KCNH1: variants seen among roughly 807,000 people sequenced by gnomAD.
KCNH1 encodes voltage-gated delayed rectifier potassium channel KCNH1.
In KCNH1, 27 loss-of-function variants were observed where a neutral mutation model predicts 69.2. That is an observed-to-expected ratio of 0.39 (90% confidence interval 0.29 to 0.54). The LOEUF (loss-of-function observed/expected upper bound fraction) is 0.54. Among genes scored for constraint, KCNH1 ranks in the 20% least tolerant of loss-of-function variants. KCNH1 has a pLI of 0.68. For synonymous variants in KCNH1, 456 were observed against 487.7 expected (o/e 0.93, Z 0.86); for missense variants, 798 against 1,261.6 (o/e 0.63, Z 5.57).
intron 6 of KCNH1, among the ~76,000 whole-genome samples, chr1:210,962,653 T>C (rs866731253): frequency 2.8e-4 from 42 of 151,934 alleles, no homozygotes; most frequent in Non-Finnish European, 5.4e-4. Flanking sequence ...TTTTATTTCA[T>C]ATTGATGGAG....
chr1:210,913,324 C>T (rs941831977), intron 7 of KCNH1, among the ~76,000 whole-genome samples: 1 of 151,764 alleles, frequency 6.6e-6, no homozygotes, highest in Non-Finnish European at 1.5e-5. Context: ...AAACAGCATT[C>T]TCATGCTCCC....
chr1:210,983,558 G>A (rs556338644), intron 6 of KCNH1, among the ~76,000 whole-genome samples: 2 of 152,184 alleles, frequency 1.3e-5, no homozygotes, highest in South Asian at 2.1e-4. Context: ...TTTTTGTCAG[G>A]TTTGTCAAAG....
chr1:210,917,724 T>C (rs1169851282), intron 7 of KCNH1, among the ~76,000 whole-genome samples: 1 of 152,116 alleles, frequency 6.6e-6, no homozygotes, highest in African/African-American at 2.4e-5. Context: ...GAGAAGGAAA[T>C]CAAATCATGT....
chr1:210,828,034 G>A (rs937444731), intron 7 of KCNH1, among the ~76,000 whole-genome samples: 6 of 151,932 alleles, frequency 3.9e-5, no homozygotes, highest in African/African-American at 4.8e-5. Flanking sequence ...TTAGAGATGC[G>A]GTTTCACCAT....
At chr1:210,968,849 T>A (rs1051658779) in intron 6 of KCNH1, among the ~76,000 whole-genome samples, 2 of 152,108 alleles carry the variant, frequency 1.3e-5, no homozygotes, top group Non-Finnish European at 2.9e-5. Context: ...GTTTCTTGTC[T>A]TGTTCTCAAT....
intron 5 of KCNH1, among the ~76,000 whole-genome samples, chr1:211,054,288 GA>G (rs946136238): frequency 5.6e-4 from 81 of 144,856 alleles, no homozygotes; most frequent in African/African-American, 1.5e-3. Flanking sequence ...TCTCAAAAAA[GA>G]AAAAAAAAAT....
chr1:211,119,536 C>A (rs1459302699), intron 1 of KCNH1, among the ~76,000 whole-genome samples: 5 of 151,576 alleles, frequency 3.3e-5, no homozygotes, highest in Admixed American at 1.3e-4. Context: ...AAAATCCATA[C>A]CAGAAATTAC....
chr1:210,902,430 C>A lies in KCNH1; in HGVS notation c.1462+17210G>T, dbSNP rs529803666. On this transcript the variant is annotated intron_variant, in intron 7 of 10. Coordinates refer to ENST00000271751, the MANE Select transcript of KCNH1 (RefSeq NM_172362.3). ...TGGCCAAAAACACCATCTGGTGACC[C>A]CTGGGCCCTCACACCTCTGTGCACA... Among the ~76,000 whole-genome samples the A allele has an allele frequency of 1.2e-3, 183 of 152,264 alleles. 1 individual carries two copies. The highest frequency in any genetic ancestry group is 2.3e-3 in the Non-Finnish European group (155 of 68,032).
chr1:210,698,670 G>T (rs1021766153), intron 10 of KCNH1, among the ~76,000 whole-genome samples: 1 of 152,214 alleles, frequency 6.6e-6, no homozygotes, highest in Non-Finnish European at 1.5e-5. Flanking sequence ...GGGCTCTCCT[G>T]TGTACTGGGT....
At chr1:210,926,860 C>T (rs1455944539) in intron 6 of KCNH1, among the ~76,000 whole-genome samples, 2 of 152,034 alleles carry the variant, frequency 1.3e-5, no homozygotes, top group South Asian at 4.2e-4. Flanking sequence ...AAATAGATAG[C>T]ATAAATTAAA....
rs774672483 is a variant in KCNH1, at chr1:210,684,010, C to T, written c.2241G>A (p.Gln747=). Reference sequence around the variant, plus strand: ...TCTCAGCTGCCAGCCTGGCCTCTTTCTGCTGTCGGAATCTCTGGAAGAGGC... The same window carrying T: ...TCTCAGCTGCCAGCCTGGCCTCTTTTTGCTGTCGGAATCTCTGGAAGAGGC... ...VRRLFQRFRQ[Q]KEARLAAERG... Residue 747 remains glutamine, a synonymous_variant, in exon 11 of 11, where the codon CAG becomes CAA. Coordinates refer to ENST00000271751, the MANE Select transcript of KCNH1 (RefSeq NM_172362.3). 3 of 1,597,052 alleles carry T rather than the reference C, an allele frequency of 1.9e-6. No individual in the cohort carries two copies. The Admixed American group carries it at 5.1e-5, about 27-fold the overall frequency.
intron 5 of KCNH1, among the ~76,000 whole-genome samples, chr1:211,036,797 T>C (rs1469041978): frequency 6.6e-6 from 1 of 152,160 alleles, no homozygotes; most frequent in Non-Finnish European, 1.5e-5. Context: ...ATTAGTCTTG[T>C]ACAATGGAAG....
intron 7 of KCNH1, among the ~76,000 whole-genome samples, chr1:210,892,202 T>A (rs1396329436): frequency 6.6e-6 from 1 of 151,606 alleles, no homozygotes; most frequent in East Asian, 1.9e-4. Context: ...TCCCAGAACT[T>A]AAAGTATATA....
intron 6 of KCNH1, among the ~76,000 whole-genome samples, chr1:210,944,506 G>A (rs1231554936): frequency 6.6e-6 from 1 of 152,276 alleles, no homozygotes; most frequent in East Asian, 1.9e-4. Context: ...CATAAGCCTC[G>A]CCTCAGGGGT....
At chr1:211,071,929 A>G (rs1228011836) in intron 5 of KCNH1, among the ~76,000 whole-genome samples, 4 of 151,418 alleles carry the variant, frequency 2.6e-5, no homozygotes, top group Admixed American at 1.3e-4. Flanking sequence ...AGTTGGGAGG[A>G]AAAAAAAACC....
chr1:210,701,243 AT>A lies in KCNH1; in HGVS notation c.2113-17106del, dbSNP rs1471419951. On this transcript the variant is annotated intron_variant, in intron 10 of 10. Transcript: ENST00000271751. ...TGAGCCACCACACCCGGCCCTTTTT[AT>A]TTTTTTGGTAGGAGACAGGGGTCTC... Among the ~76,000 whole-genome samples the A allele has an allele frequency of 5.3e-5, 8 of 151,794 alleles. No individual in the cohort carries two copies. In the East Asian group the frequency reaches 1.4e-3, roughly 26 times the overall value.
intron 5 of KCNH1, among the ~76,000 whole-genome samples, chr1:211,049,485 T>TTTG (rs1213436293): frequency 3.9e-5 from 6 of 152,042 alleles, no homozygotes; most frequent in African/African-American, 1.4e-4. Flanking sequence ...GGTTTTTTGG[T>TTTG]TTGTTGTTGT....
chr1:211,091,667 A>G (rs766089121), intron 3 of KCNH1, among the ~76,000 whole-genome samples: 4 of 152,128 alleles, frequency 2.6e-5, no homozygotes, highest in African/African-American at 4.8e-5. Context: ...ATGTGTTTCA[A>G]TATCAATCCT....
chr1:210,859,678 TTAAA>T lies in KCNH1; in HGVS notation c.1463-55516_1463-55513del. On this transcript the variant is annotated intron_variant, in intron 7 of 10. Coordinates refer to ENST00000271751, the MANE Select transcript of KCNH1 (RefSeq NM_172362.3). ...GCAGGCATATGCTCTTTTTAATCCA[TTAAA>T]TAAAAGGATAAAAGCTGGCAAAATC... is the stretch of plus-strand genomic sequence containing the variant. 3 of 1,293,426 alleles carry T rather than the reference TTAAA, an allele frequency of 2.3e-6. No individual in the cohort carries two copies. The South Asian group carries it at 3.6e-5, about 15-fold the overall frequency. 80.1% of individuals were successfully genotyped at this position (1,293,426 alleles called of 1,614,324 possible).
Sources: allele counts gnomAD v4.1 joint callset (sites outside exome capture counted in the v4.1 genomes callset), GRCh38; gene constraint gnomAD v4.1.1; transcripts MANE v1.5; gene names NCBI Gene and HGNC (gene_info 2026-07-23, HGNC 2026-07-21).